ARID1B: variants seen among roughly 807,000 people sequenced by gnomAD.
ARID1B encodes AT-rich interaction domain 1B.
A neutral mutation model predicts 212.3 loss-of-function variants in ARID1B; 30 were observed. The observed-to-expected ratio is 0.14, with a 90% CI of 0.11 to 0.19. The LOEUF (loss-of-function observed/expected upper bound fraction) is 0.19. ARID1B is among the 10% of genes least tolerant of loss of function. The pLI, the probability that ARID1B is intolerant of heterozygous loss-of-function variation, is 1.00. For synonymous variants in ARID1B, 1,402 were observed against 1,301.7 expected, an observed-to-expected ratio of 1.08 and a Z score of -1.66; for missense variants, 2,891 against 3,204.0, an observed-to-expected ratio of 0.90 and a Z score of 2.36.
chr6:156,875,339 C>T (rs1386967116), intron 2 of ARID1B, among the ~76,000 whole-genome samples: 1 of 152,202 alleles, frequency 6.6e-6, no homozygotes, highest in Non-Finnish European at 1.5e-5. Context: ...CATAAGCTTT[C>T]TTCATATCTG....
Position 157,122,973 on chromosome 6 carries a change from T to C in ARID1B, c.2582-10055T>C, listed in dbSNP as rs902997753. 1.9e-4 allele frequency among the ~76,000 whole-genome samples: 29 copies of C among 152,250 alleles called. No homozygotes were observed. In the East Asian group the frequency reaches 5.2e-3, roughly 27 times the overall value. On this transcript the variant is annotated intron_variant, in intron 6 of 19. Coordinates refer to ENST00000636930, the MANE Select transcript of ARID1B (RefSeq NM_001374828.1). ...CTGGGATTACAGGCATGAGCCACCG[T>C]GCCCGGCCAGGAATAGGTTTCTTAG...
intron 8 of ARID1B, among the ~76,000 whole-genome samples, chr6:157,158,772 A>G (rs940715055): frequency 6.6e-6 from 1 of 152,238 alleles, no homozygotes; most frequent in Non-Finnish European, 1.5e-5. Context: ...GGCTATTCCT[A>G]GCACTGAGAA....
At chr6:157,112,685 G>A (rs1314021246) in intron 6 of ARID1B, among the ~76,000 whole-genome samples, 1 of 152,190 alleles carries the variant, frequency 6.6e-6, no homozygotes, top group African/African-American at 2.4e-5. Context: ...ATTGGGCAAT[G>A]TAGAAAACCA....
chr6:156,868,278 C>T (rs879908889), intron 2 of ARID1B, among the ~76,000 whole-genome samples: 5 of 152,172 alleles, frequency 3.3e-5, no homozygotes, highest in Non-Finnish European at 7.3e-5. Flanking sequence ...TGGTTGTCAT[C>T]ACTGATATAT....
At chr6:156,849,393 A>C (rs1440675756) in intron 2 of ARID1B, among the ~76,000 whole-genome samples, 1 of 152,228 alleles carries the variant, frequency 6.6e-6, no homozygotes, top group Non-Finnish European at 1.5e-5. Context: ...GGAATTTGGT[A>C]AAGTGAGGGA....
At chr6:156,810,963 G>A (rs1164990439) in intron 1 of ARID1B, among the ~76,000 whole-genome samples, 1 of 152,188 alleles carries the variant, frequency 6.6e-6, no homozygotes, top group Non-Finnish European at 1.5e-5. Context: ...GCCATACTCT[G>A]CTTGGGGTCG....
chr6:157,150,690 A>G (rs970745011), intron 8 of ARID1B: 1 of 174,928 alleles, frequency 5.7e-6, no homozygotes, highest in African/African-American at 2.4e-5. Context: ...GCATCAGAAC[A>G]AATCCCAAGA....
chr6:157,101,597 G>GAAGAAT (rs975315364), intron 5 of ARID1B, among the ~76,000 whole-genome samples: 8 of 151,634 alleles, frequency 5.3e-5, no homozygotes, highest in Non-Finnish European at 1.0e-4. Context: ...ATTACTAATC[G>GAAGAAT]AAGAATATAA....
intron 3 of ARID1B, among the ~76,000 whole-genome samples, chr6:156,910,989 G>A (rs1789827040): frequency 6.6e-6 from 1 of 152,182 alleles, no homozygotes; most frequent in South Asian, 2.1e-4. Context: ...ATAAAGTATT[G>A]TATGCTTAAT....
In ARID1B at chr6:157,208,098, C is replaced by A; in HGVS notation, c.*207C>A. On this transcript the variant is annotated 3_prime_UTR_variant, in exon 20 of 20. Coordinates refer to ENST00000636930, the MANE Select transcript of ARID1B (RefSeq NM_001374828.1). ...TATTTGCTGTCTGTGTGTATAAGTA[C>A]ATCCTTTGGGGTTTTTTTTTTCTCT... 3 of 522,376 alleles carry A rather than the reference C, an allele frequency of 5.7e-6. No homozygotes were observed. The highest frequency in any genetic ancestry group is 2.0e-5 in the African/African-American group (1 of 49,132). The allele number at this position is 522,376 out of a possible 1,614,324, so 32.4% of individuals were successfully genotyped here.
chr6:156,867,379 G>T (rs1785778415), intron 2 of ARID1B, among the ~76,000 whole-genome samples: 1 of 152,130 alleles, frequency 6.6e-6, no homozygotes, highest in South Asian at 2.1e-4. Flanking sequence ...GCTGAGTGCC[G>T]GAATCCATTT....
At chr6:157,052,632 C>T (rs1272322167) in intron 4 of ARID1B, among the ~76,000 whole-genome samples, 2 of 152,222 alleles carry the variant, frequency 1.3e-5, no homozygotes, top group African/African-American at 2.4e-5. Context: ...GGAAAAGATG[C>T]ACTTTGCCTC....
intron 1 of ARID1B, among the ~76,000 whole-genome samples, chr6:156,793,977 G>A (rs555260947): frequency 6.6e-6 from 1 of 152,340 alleles, no homozygotes; most frequent in Admixed American, 6.5e-5. Flanking sequence ...GAAACTGGTA[G>A]AATTTAGAAA....
intron 4 of ARID1B, among the ~76,000 whole-genome samples, chr6:156,998,055 C>T (rs1200309323): frequency 1.3e-5 from 2 of 152,150 alleles, no homozygotes; most frequent in East Asian, 1.9e-4. Context: ...TACTCCAGAG[C>T]ATGGATTATG....
At chr6:156,813,613 G>A (rs979266010) in intron 1 of ARID1B, among the ~76,000 whole-genome samples, 1 of 152,170 alleles carries the variant, frequency 6.6e-6, no homozygotes, top group Non-Finnish European at 1.5e-5. Context: ...ACATGTGTAA[G>A]AGAATATTCT....
Position 156,778,828 on chromosome 6 carries a change from G to T in ARID1B, c.1148G>T (p.Gly383Val). The change falls in exon 1 of 20, where the codon GGC (glycine) becomes GTC (valine). Residue 383 changes from glycine to valine, a missense_variant. Transcript: ENST00000636930. ...AACAGCCAGTGCAACCATTATCCGG[G>T]CTACAGCCGGCCCGGCGCGGGCGGC... ...YPNSQCNHYP[G>V]YSRPGAGGGG... 7.0e-7 allele frequency: 1 copy of T among 1,437,532 alleles called. No homozygotes were observed. The highest frequency in any genetic ancestry group is 9.2e-7 in the Non-Finnish European group (1 of 1,091,154). 89.0% of individuals were successfully genotyped at this position (1,437,532 alleles called of 1,614,324 possible).
intron 7 of ARID1B, among the ~76,000 whole-genome samples, chr6:157,147,480 T>C (rs867668970): frequency 1.4e-4 from 1 of 6,978 alleles, no homozygotes; most frequent in East Asian, 4.1e-3. Context: ...GTCCCTCACC[T>C]CCGCCTCCGA....
chr6:156,802,580 G>A (rs906856633), intron 1 of ARID1B, among the ~76,000 whole-genome samples: 5 of 152,092 alleles, frequency 3.3e-5, no homozygotes, highest in Admixed American at 6.6e-5. Flanking sequence ...TTTTCTTTTT[G>A]AAGCTTCTAT....
rs1778734730 is a variant in ARID1B at position 156,777,849 on chromosome 6, A to C, written c.169A>C (p.Met57Leu). The part of the protein sequence containing the change: ...AAAAAAAPGP[M>L]LGGGGDGGGG... ...GGCGGCGGCGGCGGCACCGGGACCC[A>C]TGCTGGGGGGCGGCGGCGACGGCGG... The change falls in exon 1 of 20, where the codon ATG (methionine) becomes CTG (leucine). Residue 57 changes from methionine (M) to leucine (L), a missense_variant. Transcript: ENST00000636930. 1 of 1,317,502 alleles carries C rather than the reference A, an allele frequency of 7.6e-7. No individual in the cohort carries two copies. Among genetic ancestry groups the C allele is most frequent in the Non-Finnish European group, 9.6e-7 (1 of 1,038,172 alleles). 81.6% of individuals were successfully genotyped at this position (1,317,502 alleles called of 1,614,324 possible). A position where few individuals can be genotyped will look rare whatever the true frequency, so the allele number is the denominator to read the frequency against.
Sources: allele counts gnomAD v4.1 joint callset (sites outside exome capture counted in the v4.1 genomes callset), GRCh38; gene constraint gnomAD v4.1.1; transcripts MANE v1.5; gene names NCBI Gene and HGNC (gene_info 2026-07-23, HGNC 2026-07-21).